KIRREL3: variants seen among roughly 807,000 people sequenced by gnomAD.
KIRREL3 encodes the protein kirre like nephrin family adhesion molecule 3, also known as kin of IRRE-like protein 3.
A neutral mutation model predicts 89.7 loss-of-function variants in KIRREL3; 36 were observed. The ratio of observed to expected loss-of-function variants is 0.40; its 90% CI spans 0.31 to 0.53. The LOEUF (loss-of-function observed/expected upper bound fraction) is 0.53. KIRREL3 is among the 20% of genes least tolerant of loss of function. The probability of loss-of-function intolerance (pLI) is 0.49; values close to 1 mark genes in which losing one functional copy is unlikely to be tolerated. For missense variants in KIRREL3, 864 were observed against 1,056.6 expected (o/e 0.82, Z 2.53); for synonymous variants, 445 against 441.4 (o/e 1.01, Z -0.10).
At chr11:126,631,872 C>T (rs1410996164) in intron 1 of KIRREL3, among the ~76,000 whole-genome samples, 2 of 152,190 alleles carry the variant, frequency 1.3e-5, no homozygotes, top group Non-Finnish European at 2.9e-5. Flanking sequence ...AGATACCTGA[C>T]TCCTGGTCTT....
At chr11:126,674,817 C>T (rs1187773305) in intron 1 of KIRREL3, among the ~76,000 whole-genome samples, 1 of 152,182 alleles carries the variant, frequency 6.6e-6, no homozygotes, top group African/African-American at 2.4e-5. Flanking sequence ...TGCACACTCC[C>T]ACCAGTCCCT....
chr11:126,835,304 C>T (rs1331982909), intron 1 of KIRREL3, among the ~76,000 whole-genome samples: 1 of 152,130 alleles, frequency 6.6e-6, no homozygotes, highest in Non-Finnish European at 1.5e-5. Context: ...CTTGTGGATG[C>T]TAAGGTATAG....
chr11:126,545,605 T>G (rs2134509552), intron 2 of KIRREL3, among the ~76,000 whole-genome samples: 1 of 150,646 alleles, frequency 6.6e-6, no homozygotes, highest in Non-Finnish European at 1.5e-5. Flanking sequence ...CCTGTCTCAA[T>G]TTTTAAAAAT....
Position 126,734,223 on chromosome 11 carries a change from T to A in KIRREL3, c.56-171311A>T, listed in dbSNP as rs1027952567. Among the ~76,000 whole-genome samples, 17 of 152,202 alleles carry A rather than the reference T, an allele frequency of 1.1e-4. No homozygotes were observed. The highest frequency in any genetic ancestry group is 4.1e-4 in the African/African-American group (17 of 41,450). On this transcript the variant is annotated intron_variant, in intron 1 of 16. Transcript: ENST00000525144. The surrounding 1 kb of genome is among the most constrained non-coding windows in gnomAD (Gnocchi z 5.9). ...CACGGCTGTTCTCTCCCAAGTCCCATGCTTTCATCAGAAAAAAAGCTCTAC... is the reference window on the plus strand; with the variant it reads ...CACGGCTGTTCTCTCCCAAGTCCCAAGCTTTCATCAGAAAAAAAGCTCTAC...
chr11:126,518,002 A>G (rs1407861524), intron 4 of KIRREL3, among the ~76,000 whole-genome samples: 2 of 152,234 alleles, frequency 1.3e-5, no homozygotes, highest in African/African-American at 4.8e-5. Context: ...TGGCTGGGCC[A>G]CAGAGGGCAC....
chr11:126,743,968 T>G (rs183813469), intron 1 of KIRREL3, among the ~76,000 whole-genome samples: 127 of 152,336 alleles, frequency 8.3e-4, no homozygotes, highest in Non-Finnish European at 1.5e-3. Context: ...CTACTATATT[T>G]CTGCTTGGCT....
At chr11:126,889,098 G>A (rs1945807447) in intron 1 of KIRREL3, among the ~76,000 whole-genome samples, 1 of 152,144 alleles carries the variant, frequency 6.6e-6, no homozygotes, top group African/African-American at 2.4e-5. Flanking sequence ...AGTATACAAG[G>A]TGAGGGGTTC....
rs56695003 is a variant in KIRREL3 at position 126,999,149 on chromosome 11, A to AGTGTGTGT, written c.55+1298_55+1305dup. Among the ~76,000 whole-genome samples, 11,442 of 141,228 alleles carry AGTGTGTGT rather than the reference A, an allele frequency of 0.081. 789 individuals are homozygous for AGTGTGTGT. Among genetic ancestry groups the AGTGTGTGT allele is most frequent in the East Asian group, 0.41 (1,945 of 4,794 alleles). 92.7% of individuals were successfully genotyped at this position (141,228 alleles called of 152,430 possible). A position where few individuals can be genotyped will look rare whatever the true frequency, so the allele number is the denominator to read the frequency against. The stretch of plus-strand genomic sequence containing the variant: ...AAGCACACAACCATATGAATACATG[A>AGTGTGTGT]GTGTGTGTGTGTGTGTGTGTGTACA... On this transcript the variant is annotated intron_variant, in intron 1 of 16. Coordinates refer to ENST00000525144, the MANE Select transcript of KIRREL3 (RefSeq NM_032531.4). The surrounding 1 kb of genome is among the most constrained non-coding windows in gnomAD (Gnocchi z 5.7).
chr11:126,880,637 GT>G (rs34608539), intron 1 of KIRREL3, among the ~76,000 whole-genome samples: 1,971 of 142,856 alleles, frequency 0.014, 19 homozygotes, highest in East Asian at 0.029. Context: ...AAAAGTTGTG[GT>G]TTTTTTTTTT....
chr11:126,795,125 G>T lies in KIRREL3; in HGVS notation c.55+205330C>A, dbSNP rs1950764566. Among the ~76,000 whole-genome samples, 1 of 152,148 alleles carries T rather than the reference G, an allele frequency of 6.6e-6. No individual in the cohort carries two copies. Among genetic ancestry groups the T allele is most frequent in the South Asian group, 2.1e-4 (1 of 4,824 alleles). ...TTGTGGAGCACAGGTGTTTGTTAGG[G>T]CACTGAAACTATTCTGTATGATCAT... On this transcript the variant is annotated intron_variant, in intron 1 of 16. Coordinates refer to ENST00000525144, the MANE Select transcript of KIRREL3 (RefSeq NM_032531.4). This position sits in a 1 kb window ranked among gnomAD's most constrained non-coding sequence, Gnocchi z 4.1.
intron 4 of KIRREL3, among the ~76,000 whole-genome samples, chr11:126,478,566 T>C (rs1185042065): frequency 6.6e-6 from 1 of 152,046 alleles, no homozygotes; most frequent in East Asian, 1.9e-4. Context: ...TGTGTATGTG[T>C]ATATATGTGT....
chr11:126,446,758 C>T lies in KIRREL3; in HGVS notation c.1125+1G>A. On this transcript the variant is annotated splice_donor_variant, in intron 9 of 16. Transcript: ENST00000525144. LOFTEE classifies it high-confidence loss of function. ...CCCCGAGGTCTGAGCTGCAGCCTCA[C>T]CACTCCGGAGCCCCGCTTCATCCAG... is the stretch of plus-strand genomic sequence containing the variant. 1 of 1,598,450 alleles carries T rather than the reference C, an allele frequency of 6.3e-7. No homozygotes were observed. The highest frequency in any genetic ancestry group is 8.5e-7 in the Non-Finnish European group (1 of 1,172,812).
Position 126,977,099 on chromosome 11 carries a change from CTT to C in KIRREL3, c.55+23354_55+23355del, listed in dbSNP as rs948015229. ...CTTCTTGAAACCTAAAAAAATCTCTCTTTTCCTTTTTTCTTTTTCTGCAGGCT... is the reference window on the plus strand; with the variant it reads ...CTTCTTGAAACCTAAAAAAATCTCTCTTCCTTTTTTCTTTTTCTGCAGGCT... On this transcript the variant is annotated intron_variant, in intron 1 of 16. Transcript: ENST00000525144. This position sits in a 1 kb window ranked among gnomAD's most constrained non-coding sequence, Gnocchi z 4.7. Among the ~76,000 whole-genome samples the C allele has an allele frequency of 2.6e-5, 4 of 152,172 alleles. No homozygotes were observed. Among genetic ancestry groups the C allele is most frequent in the African/African-American group, 9.7e-5 (4 of 41,442 alleles).
chr11:126,528,919 G>T lies in KIRREL3; in HGVS notation c.134-2232C>A, dbSNP rs928804119. ...CTTTTACTCTAATGATGATTTCACA[G>T]CTCATCCTTTTATCTCAAAATCTTT... On this transcript the variant is annotated intron_variant, in intron 2 of 16. Transcript: ENST00000525144. The surrounding 1 kb of genome is among the most constrained non-coding windows in gnomAD (Gnocchi z 4.6). 6.6e-6 allele frequency among the ~76,000 whole-genome samples: 1 copy of T among 152,138 alleles called. No homozygotes were observed. The highest frequency in any genetic ancestry group is 2.4e-5 in the African/African-American group (1 of 41,414).
intron 1 of KIRREL3, among the ~76,000 whole-genome samples, chr11:126,604,399 G>T (rs1942801829): frequency 6.6e-6 from 1 of 152,220 alleles, no homozygotes; most frequent in African/African-American, 2.4e-5. Flanking sequence ...AACAGTAAGA[G>T]CTGCCATTTG....
chr11:126,922,109 ATCTATCTG>A (rs1351510673), intron 1 of KIRREL3, among the ~76,000 whole-genome samples: 2 of 114,576 alleles, frequency 1.7e-5, no homozygotes, highest in Non-Finnish European at 3.7e-5. Context: ...CTATCGATCT[ATCTATCTG>A]TCTGTCTATC....
intron 1 of KIRREL3, among the ~76,000 whole-genome samples, chr11:126,595,099 G>T (rs574778222): frequency 6.6e-6 from 1 of 152,360 alleles, no homozygotes; most frequent in African/African-American, 2.4e-5. Context: ...AAGGCCTGAG[G>T]GCTGTCAGCC....
At position 126,995,097 on chromosome 11, in the gene KIRREL3, C is replaced by A; in HGVS notation, c.55+5358G>T. 2.3e-6 allele frequency: 1 copy of A among 426,960 alleles called. No individual in the cohort carries two copies. The highest frequency in any genetic ancestry group is 6.9e-4 in the Middle Eastern group (1 of 1,448). 26.4% of individuals were successfully genotyped at this position (426,960 alleles called of 1,614,324 possible). ...GAATACAGGATGAAGCGATTACAAC[C>A]TGGGCGCAGTATACTGGCTGGCTTT... On this transcript the variant is annotated intron_variant, in intron 1 of 16. Coordinates refer to ENST00000525144, the MANE Select transcript of KIRREL3 (RefSeq NM_032531.4). This position sits in a 1 kb window ranked among gnomAD's most constrained non-coding sequence, Gnocchi z 6.5.
At chr11:126,863,630 A>C (rs151143242) in intron 1 of KIRREL3, among the ~76,000 whole-genome samples, 26 of 87,324 alleles carry the variant, frequency 3.0e-4, no homozygotes, top group African/African-American at 1.5e-3. Context: ...TGTGTGTTTG[A>C]GTGCGTGTGT....
Sources: gnomAD v4.1 joint callset for allele counts (sites outside exome capture counted in the v4.1 genomes callset) on GRCh38, gnomAD v4.1.1 for gene constraint, Gnocchi (gnomAD v3.1) non-coding constraint, MANE v1.5 for transcripts, NCBI Gene and HGNC (gene_info 2026-07-23, HGNC 2026-07-21) for gene names.